The following UPP2 variants were observed in gnomAD, a reference collection of about 807,000 sequenced individuals.
UPP2 encodes the protein uridine phosphorylase 2, also known as UPase 2.
UPP2 carries 23 observed loss-of-function variants against 26.7 expected under a neutral mutation model. The ratio of observed to expected loss-of-function variants is 0.86; its 90% confidence interval spans 0.62 to 1.22. UPP2 has a LOEUF of 1.22. UPP2 is among the 50% of genes most tolerant of loss of function. UPP2 has a pLI of 0.00. For missense variants in UPP2, 387 were observed against 396.7 expected, an observed-to-expected ratio of 0.98 and a Z score of 0.21; for synonymous variants, 127 against 141.3, an observed-to-expected ratio of 0.90 and a Z score of 0.72.
At chr2:158,079,290 AT>A (rs951764520) in intron 3 of UPP2, among the ~76,000 whole-genome samples, 6 of 152,066 alleles carry the variant, frequency 3.9e-5, no homozygotes, top group South Asian at 4.1e-4. Context: ...ATTAAAAATA[AT>A]TTTTTTTAAA....
Position 158,025,070 on chromosome 2 carries a change from G to A in UPP2, c.147+9184G>A, listed in dbSNP as rs143415288. Among the ~76,000 whole-genome samples, 409 of 151,866 alleles carry A rather than the reference G, an allele frequency of 2.7e-3. 1 individual carries two copies. Among genetic ancestry groups the A allele is most frequent in the African/African-American group, 9.1e-3 (376 of 41,424 alleles). ...ATAAAAATTAGCCAGGCATGATGGC[G>A]GGGTGCCTGTAATCCCAGCTACTTG... On this transcript the variant is annotated intron_variant, in intron 3 of 9. Transcript: ENST00000605860.
At chr2:158,027,382 C>T (rs555557539) in intron 3 of UPP2, among the ~76,000 whole-genome samples, 68 of 152,214 alleles carry the variant, frequency 4.5e-4, no homozygotes, top group African/African-American at 1.5e-3. Context: ...CGAAATCCAG[C>T]GGGGCAGTCA....
chr2:158,036,652 T>A (rs1352312062), intron 3 of UPP2, among the ~76,000 whole-genome samples: 2 of 152,196 alleles, frequency 1.3e-5, no homozygotes, highest in Non-Finnish European at 2.9e-5. Context: ...TCAAAATCAA[T>A]CAATGATAGA....
At chr2:158,018,785 T>C (rs1001357428) in intron 3 of UPP2, among the ~76,000 whole-genome samples, 13 of 152,332 alleles carry the variant, frequency 8.5e-5, no homozygotes, top group African/African-American at 3.1e-4. Context: ...CACCTTCTCT[T>C]TCCCACTCTT....
At chr2:158,065,801 T>C (rs1682425330) in intron 3 of UPP2, 7 of 702,736 alleles carry the variant, frequency 1.0e-5, no homozygotes, top group African/African-American at 5.3e-5. Context: ...ACTGGTTAAG[T>C]CTTGTGAAAA....
At chr2:158,030,328 A>G (rs1033342139) in intron 3 of UPP2, among the ~76,000 whole-genome samples, 3 of 152,270 alleles carry the variant, frequency 2.0e-5, no homozygotes, top group African/African-American at 7.2e-5. Flanking sequence ...ACAAATTATT[A>G]TGAGTAGACA....
At chr2:158,008,599 C>T (rs1683529559) in intron 2 of UPP2, among the ~76,000 whole-genome samples, 1 of 152,192 alleles carries the variant, frequency 6.6e-6, no homozygotes, top group Non-Finnish European at 1.5e-5. Flanking sequence ...AAGCACTTGA[C>T]TTTCCTACTG....
At chr2:158,060,198 A>G (rs767206596) in intron 3 of UPP2, among the ~76,000 whole-genome samples, 1 of 152,090 alleles carries the variant, frequency 6.6e-6, no homozygotes, top group Non-Finnish European at 1.5e-5. Context: ...GAGTTAGTCT[A>G]CTGAGTTTTA....
intron 2 of UPP2, among the ~76,000 whole-genome samples, chr2:158,005,610 GGGAAGGAAC>G (rs1437283599): frequency 6.6e-6 from 1 of 152,198 alleles, no homozygotes; most frequent in Non-Finnish European, 1.5e-5. Context: ...GTGGAAGAAT[GGGAAGGAAC>G]GGGGAAGTTT....
chr2:158,045,359 G>A (rs999899630), intron 3 of UPP2, among the ~76,000 whole-genome samples: 3 of 152,148 alleles, frequency 2.0e-5, no homozygotes, highest in Non-Finnish European at 2.9e-5. Flanking sequence ...CCTGAAGCAC[G>A]GTGGGAAAAA....
At chr2:158,092,179 A>T (rs1682922037) in intron 3 of UPP2, among the ~76,000 whole-genome samples, 1 of 152,220 alleles carries the variant, frequency 6.6e-6, no homozygotes, top group African/African-American at 2.4e-5. Context: ...AGAAGAAGAT[A>T]ACCTATTCAG....
At chr2:158,030,821 TA>T (rs1388645125) in intron 3 of UPP2, among the ~76,000 whole-genome samples, 2 of 152,196 alleles carry the variant, frequency 1.3e-5, no homozygotes, top group Non-Finnish European at 2.9e-5. Context: ...AGTTTGCTAT[TA>T]AGGTGACCTG....
chr2:158,021,618 A>G (rs562093007), intron 3 of UPP2, among the ~76,000 whole-genome samples: 9 of 152,356 alleles, frequency 5.9e-5, no homozygotes, highest in Non-Finnish European at 8.8e-5. Flanking sequence ...ACCTGTCACT[A>G]TGATTTCCCA....
intron 3 of UPP2, among the ~76,000 whole-genome samples, chr2:158,067,587 C>A (rs1258088442): frequency 2.0e-5 from 3 of 151,950 alleles, no homozygotes; most frequent in Non-Finnish European, 4.4e-5. Context: ...GAATGGTGTC[C>A]CATTATGGGC....
chr2:158,083,865 T>TATA (rs1553467788), intron 3 of UPP2, among the ~76,000 whole-genome samples: 2 of 118,752 alleles, frequency 1.7e-5, no homozygotes, highest in African/African-American at 6.4e-5. Flanking sequence ...TATATATGTT[T>TATA]TTTATATATA....
At chr2:158,127,949 T>A (rs1683729070) in intron 6 of UPP2, 1 of 965,376 alleles carries the variant, frequency 1.0e-6, no homozygotes, top group South Asian at 4.8e-5. Context: ...TGCACATATC[T>A]GTGTCTCTCT....
At position 158,121,740 on chromosome 2, in the gene UPP2, A is replaced by C. The variant is rs868151708; in HGVS notation, c.664+122A>C. The C allele has an allele frequency of 2.3e-5, 20 of 880,990 alleles. No homozygotes were observed. The Middle Eastern group carries it at 4.0e-3, about 174-fold the overall frequency. 54.6% of individuals were successfully genotyped at this position (880,990 alleles called of 1,614,324 possible). A position where few individuals can be genotyped will look rare whatever the true frequency, so the allele number is the denominator to read the frequency against. On this transcript the variant is annotated intron_variant, in intron 5 of 6. Transcript: ENST00000005756. ...AATTAATATTTGTGGGTTAAAAAGG[A>C]AATGAAACAGCCTTTTTTACTTACT...
intron 2 of UPP2, among the ~76,000 whole-genome samples, chr2:158,014,868 G>A (rs1683635712): frequency 6.6e-6 from 1 of 152,122 alleles, no homozygotes; most frequent in African/African-American, 2.4e-5. Flanking sequence ...TTTTGAAAAT[G>A]ATGCTTATAT....
chr2:157,997,767 C>A (rs1683344692), intron 2 of UPP2, among the ~76,000 whole-genome samples: 1 of 152,138 alleles, frequency 6.6e-6, no homozygotes, highest in Non-Finnish European at 1.5e-5. Flanking sequence ...GCATTTAGAT[C>A]ATTGCTAGGA....
Sources: allele counts gnomAD v4.1 joint callset (sites outside exome capture counted in the v4.1 genomes callset), GRCh38; gene constraint gnomAD v4.1.1; transcripts MANE v1.5; gene names NCBI Gene and HGNC (gene_info 2026-07-23, HGNC 2026-07-21).